Variants in TBC1D23 observed in about 807,000 individuals in gnomAD.
TBC1D23 encodes the protein HCV non-structural protein 4A-transactivated protein 1.
A neutral mutation model predicts 91.4 loss-of-function variants in TBC1D23; 55 were observed. That is an observed-to-expected ratio of 0.60 (90% CI 0.48 to 0.75). TBC1D23 has a LOEUF of 0.75. Ranked by LOEUF, TBC1D23 falls within the 30% of genes least tolerant of loss-of-function variation. The pLI is 0.00. For missense variants in TBC1D23, 725 were observed against 836.1 expected (o/e 0.87, Z 1.64); for synonymous variants, 289 against 281.0 (o/e 1.03, Z -0.28).
In TBC1D23 at chr3:100,311,779, G is replaced by A. The variant is rs557311409; in HGVS notation, c.1554-54G>A. 4 of 1,291,080 alleles carry A rather than the reference G, an allele frequency of 3.1e-6. No homozygotes were observed. In the African/African-American group the frequency reaches 4.4e-5, roughly 14 times the overall value. The allele number at this position is 1,291,080 out of a possible 1,614,324, so 80.0% of individuals were successfully genotyped here. A position where few individuals can be genotyped will look rare whatever the true frequency, so the allele number is the denominator to read the frequency against. On this transcript the variant is annotated intron_variant, in intron 14 of 18. Coordinates refer to ENST00000394144, the MANE Select transcript of TBC1D23 (RefSeq NM_001199198.3). ...GTACCATATTTTTTGTTTTAAAGCT[G>A]TTGCATTTTTTTTATAATCATTTTG...
intron 1 of TBC1D23, among the ~76,000 whole-genome samples, chr3:100,268,759 G>A (rs940582879): frequency 3.3e-5 from 5 of 152,146 alleles, no homozygotes; most frequent in Non-Finnish European, 7.4e-5. Flanking sequence ...TAAAAATACT[G>A]AAAAGTCACC....
intron 15 of TBC1D23, among the ~76,000 whole-genome samples, chr3:100,314,414 T>A (rs956163796): frequency 4.6e-5 from 7 of 151,980 alleles, no homozygotes; most frequent in South Asian, 4.1e-4. Context: ...ACAAAAAAAA[T>A]TTTTATTGAT....
intron 1 of TBC1D23, 85 bp downstream of exon 1, chr3:100,261,156 T>G: frequency 7.2e-7 from 1 of 1,393,996 alleles, no homozygotes. Context: ...CCGTCTGGCG[T>G]CGGCATGGAA....
chr3:100,302,334 CTTTTCTTGGTTTTGTGACTTGTTAAG>C, intron 11 of TBC1D23, 97 bp downstream of exon 11: 1 of 1,039,346 alleles, frequency 9.6e-7, no homozygotes, highest in Non-Finnish European at 1.3e-6. Context: ...TTTATCTGTA[CTTTTCTTGGTTTTGTGACTTGTTAAG>C]GTCTTCTCCA....
At chr3:100,320,532 TTATTA>T (rs1436582925) in intron 17 of TBC1D23, among the ~76,000 whole-genome samples, 1 of 152,110 alleles carries the variant, frequency 6.6e-6, no homozygotes, top group Non-Finnish European at 1.5e-5. Flanking sequence ...ATGGAACTTT[TTATTA>T]TATTTATTAT....
Position 100,293,102 on chromosome 3 carries a change from A to ATTGTTTGT in TBC1D23, c.601-1984_601-1983insTGTTTGTT, listed in dbSNP as rs764256850. Among the ~76,000 whole-genome samples, 13 of 114,364 alleles carry ATTGTTTGT rather than the reference A, an allele frequency of 1.1e-4. No homozygotes were observed. In the East Asian group the frequency reaches 1.7e-3, roughly 15 times the overall value. The allele number at this position is 114,364 out of a possible 152,430, so 75.0% of individuals were successfully genotyped here. A position where few individuals can be genotyped will look rare whatever the true frequency, so the allele number is the denominator to read the frequency against. ...GGTTTCTCTTCAGCTGATATGCCAG[A>ATTGTTTGT]TAGTTTGTTTGTTTGTTTGTTTGTT... On this transcript the variant is annotated intron_variant, in intron 5 of 18. Coordinates refer to ENST00000394144, the MANE Select transcript of TBC1D23 (RefSeq NM_001199198.3).
intron 2 of TBC1D23, among the ~76,000 whole-genome samples, chr3:100,280,082 C>A (rs2067681594): frequency 6.6e-6 from 1 of 152,008 alleles, no homozygotes; most frequent in Non-Finnish European, 1.5e-5. Context: ...GTCAGGAGTT[C>A]AAGACCCGCC....
At chr3:100,307,379 CTTACT>C (rs573792055) in intron 13 of TBC1D23, among the ~76,000 whole-genome samples, 1 of 152,358 alleles carries the variant, frequency 6.6e-6, no homozygotes, top group East Asian at 1.9e-4. Flanking sequence ...TCATCTACAA[CTTACT>C]TTCTTCATGA....
At chr3:100,298,191 A>G (rs1029673151) in intron 9 of TBC1D23, 146 bp downstream of exon 9, 3 of 620,954 alleles carry the variant, frequency 4.8e-6, no homozygotes, top group Non-Finnish European at 5.4e-6. Context: ...GTTAAATGTT[A>G]TGTTCAGAGG....
intron 4 of TBC1D23, among the ~76,000 whole-genome samples, chr3:100,287,783 A>C (rs1026295271): frequency 2.0e-5 from 3 of 152,076 alleles, no homozygotes; most frequent in African/African-American, 7.2e-5. Context: ...ACATTGTAAA[A>C]CATTTTTTTT....
intron 7 of TBC1D23, among the ~76,000 whole-genome samples, chr3:100,295,633 A>G (rs1040923979): frequency 6.6e-6 from 1 of 151,902 alleles, no homozygotes; most frequent in Non-Finnish European, 1.5e-5. Context: ...GTTCCTCCCT[A>G]CCCATCCTTA....
intron 1 of TBC1D23, among the ~76,000 whole-genome samples, chr3:100,263,170 G>T (rs2067528496): frequency 6.6e-6 from 1 of 152,238 alleles, no homozygotes; most frequent in Admixed American, 6.5e-5. Flanking sequence ...AATTACAGTC[G>T]AAGGGGAGTT....
intron 9 of TBC1D23, among the ~76,000 whole-genome samples, chr3:100,298,580 G>A (rs571862595): frequency 1.6e-4 from 24 of 152,292 alleles, no homozygotes; most frequent in African/African-American, 5.8e-4. Flanking sequence ...TATTTCCAAG[G>A]TTGAGGGCAG....
intron 16 of TBC1D23, 35 bp from the exon 17 acceptor site, chr3:100,319,034 T>C (rs781055017): frequency 7.3e-7 from 1 of 1,365,182 alleles, no homozygotes; most frequent in Admixed American, 2.2e-5. Flanking sequence ...TAAAAGTTGG[T>C]AATATCCATA....
chr3:100,274,310 A>C (rs932364066), intron 1 of TBC1D23, among the ~76,000 whole-genome samples: 2 of 152,134 alleles, frequency 1.3e-5, no homozygotes, highest in Admixed American at 6.6e-5. Context: ...TCCTTTTGTA[A>C]GGTCACATGG....
At chr3:100,298,476 A>G (rs1037176272) in intron 9 of TBC1D23, among the ~76,000 whole-genome samples, 1 of 152,218 alleles carries the variant, frequency 6.6e-6, no homozygotes, top group Non-Finnish European at 1.5e-5. Context: ...ATGAAAATCT[A>G]ATAAGTCAAT....
At chr3:100,271,178 T>C (rs2067596467) in intron 1 of TBC1D23, among the ~76,000 whole-genome samples, 1 of 152,030 alleles carries the variant, frequency 6.6e-6, no homozygotes. Context: ...GAGTGGTCCC[T>C]ATGGAGTGGT....
At chr3:100,278,386 A>ATTTT (rs199688288) in intron 1 of TBC1D23, among the ~76,000 whole-genome samples, 1 of 141,480 alleles carries the variant, frequency 7.1e-6, no homozygotes, top group African/African-American at 2.6e-5. Flanking sequence ...GAATTGATTG[A>ATTTT]TTTTTTTTTT....
chr3:100,274,325 T>C (rs2067627202), intron 1 of TBC1D23, among the ~76,000 whole-genome samples: 2 of 152,158 alleles, frequency 1.3e-5, no homozygotes, highest in Admixed American at 1.3e-4. Context: ...ACATGGCTGT[T>C]GAAGGGCCAA....
Sources: gnomAD v4.1 joint callset for allele counts (sites outside exome capture counted in the v4.1 genomes callset) on GRCh38, gnomAD v4.1.1 for gene constraint, MANE v1.5 for transcripts, NCBI Gene and HGNC (gene_info 2026-07-23, HGNC 2026-07-21) for gene names.